Variants in CYRIB observed in about 807,000 individuals in gnomAD.
The protein encoded by CYRIB is CYFIP related Rac1 interactor B.
CYRIB carries 8 observed loss-of-function variants against 44.2 expected under a neutral mutation model. That is an observed-to-expected ratio of 0.18 (90% CI 0.11 to 0.33). CYRIB has a LOEUF of 0.33. Among genes scored for constraint, CYRIB ranks in the 10% least tolerant of loss-of-function variants. The pLI is 1.00. For synonymous variants in CYRIB, 131 were observed against 127.2 expected, an observed-to-expected ratio of 1.03 and a Z score of -0.20; for missense variants, 185 against 382.8, an observed-to-expected ratio of 0.48 and a Z score of 4.31.
At chr8:129,869,381 C>CAAAAAAAAAAAAAAAAAAA (rs572134261) in intron 4 of CYRIB, among the ~76,000 whole-genome samples, 2 of 74,090 alleles carry the variant, frequency 2.7e-5, no homozygotes, top group Non-Finnish European at 5.5e-5. Flanking sequence ...AACTCTGCCT[C>CAAAAAAAAAAAAAAAAAAA]AAAAAAAAAA....
chr8:129,870,691 G>A (rs773595633), intron 4 of CYRIB, among the ~76,000 whole-genome samples: 5 of 152,122 alleles, frequency 3.3e-5, no homozygotes, highest in African/African-American at 4.8e-5. Context: ...AACACAGCAC[G>A]GGCAATGGCT....
intron 2 of CYRIB, among the ~76,000 whole-genome samples, chr8:129,961,942 A>G (rs1445612749): frequency 1.3e-5 from 2 of 152,264 alleles, no homozygotes; most frequent in East Asian, 3.9e-4. Context: ...ACAATTATCA[A>G]GATTAAATAA....
At chr8:129,887,907 G>A (rs1288008565) in intron 2 of CYRIB, among the ~76,000 whole-genome samples, 1 of 152,198 alleles carries the variant, frequency 6.6e-6, no homozygotes, top group East Asian at 1.9e-4. Context: ...AAGACTCATA[G>A]GTGGAAGGGA....
intron 2 of CYRIB, chr8:129,948,999 C>T (rs2094347466): frequency 6.6e-6 from 1 of 152,188 alleles, no homozygotes; most frequent in Admixed American, 6.6e-5. Context: ...TGCTTTGGCT[C>T]AAAAGGTCAA....
chr8:129,857,168 TG>T (rs1325645487), intron 5 of CYRIB, among the ~76,000 whole-genome samples: 1 of 151,960 alleles, frequency 6.6e-6, no homozygotes, highest in Non-Finnish European at 1.5e-5. Context: ...ACTGGGAAAA[TG>T]GATGTAGACA....
At chr8:129,856,361 T>C (rs1008694996) in intron 5 of CYRIB, among the ~76,000 whole-genome samples, 8 of 152,204 alleles carry the variant, frequency 5.3e-5, no homozygotes, top group Non-Finnish European at 7.4e-5. Context: ...TTGAAATAAG[T>C]GCTACTTTTG....
intron 1 of CYRIB, among the ~76,000 whole-genome samples, chr8:129,923,239 T>TATCTCAAAAAAAAAGAAAAAG (rs140530379): frequency 5.3e-5 from 8 of 150,530 alleles, no homozygotes; most frequent in Non-Finnish European, 1.2e-4. Context: ...GCAAAACTCT[T>TATCTCAAAAAAAAAGAAAAAG]AAAAAGAAAA....
Position 129,938,735 on chromosome 8 carries a change from G to A in CYRIB, c.-50+873C>T, listed in dbSNP as rs2093252436. On this transcript the variant is annotated intron_variant, in intron 1 of 11. Transcript: ENST00000519824. The stretch of plus-strand genomic sequence containing the variant: ...GGGGCCAAGTGAGGAGGAATCCAGA[G>A]GAGTAGAAAGAATACTAATTTTCTG... Among the ~76,000 whole-genome samples, 3 of 152,262 alleles carry A rather than the reference G, an allele frequency of 2.0e-5. No individual in the cohort carries two copies. The South Asian group carries it at 6.2e-4, about 32-fold the overall frequency.
chr8:129,865,783 GAAT>G (rs893975884), intron 4 of CYRIB, among the ~76,000 whole-genome samples: 4 of 152,160 alleles, frequency 2.6e-5, no homozygotes, highest in Admixed American at 6.5e-5. Context: ...ATATAAATAT[GAAT>G]TATTAACCTT....
intron 2 of CYRIB, chr8:129,890,644 G>A (rs1296516620): frequency 6.6e-6 from 1 of 151,712 alleles, no homozygotes; most frequent in Non-Finnish European, 1.5e-5. Context: ...TGTAATCCCA[G>A]CACTTTGGGA....
exon 12 of CYRIB, chr8:129,840,779 T>A (rs1173193649): frequency 6.6e-6 from 1 of 151,996 alleles, no homozygotes; most frequent in Non-Finnish European, 1.5e-5. Context: ...GGGTGTGAAG[T>A]GGGGGAGCAG....
intron 2 of CYRIB, 47 bp from the exon 5 acceptor site, chr8:129,879,518 A>C: frequency 7.4e-7 from 1 of 1,346,226 alleles, no homozygotes; most frequent in East Asian, 2.3e-5. Flanking sequence ...TTTATAAAAA[A>C]GAACATCTGA....
exon 12 of CYRIB, chr8:129,839,758 G>A (rs998025855): frequency 6.6e-6 from 1 of 152,154 alleles, no homozygotes; most frequent in African/African-American, 2.4e-5. Flanking sequence ...CCCACAGACC[G>A]GTTTGCTAGC....
At chr8:129,982,423 A>T (rs1476362825) in intron 1 of CYRIB, among the ~76,000 whole-genome samples, 2 of 151,606 alleles carry the variant, frequency 1.3e-5, no homozygotes, top group Non-Finnish European at 2.9e-5. Context: ...CCGAAACATA[A>T]ATAGCCCCAT....
chr8:130,004,787 G>C (rs1168594352), intron 1 of CYRIB, among the ~76,000 whole-genome samples: 1 of 126,248 alleles, frequency 7.9e-6, no homozygotes, highest in Non-Finnish European at 1.6e-5. Flanking sequence ...TTTTTTTTGA[G>C]ATGGAGTCTC....
intron 1 of CYRIB, among the ~76,000 whole-genome samples, chr8:129,909,706 T>A (rs967588518): frequency 3.9e-5 from 6 of 152,180 alleles, no homozygotes; most frequent in African/African-American, 1.4e-4. Context: ...CAGTCTAATA[T>A]AAAAACGTTT....
intron 2 of CYRIB, chr8:129,948,926 T>C (rs1229885434): frequency 6.6e-6 from 1 of 152,014 alleles, no homozygotes; most frequent in African/African-American, 2.4e-5. Flanking sequence ...CAAAGGAAAA[T>C]TAGCCGAGTA....
intron 6 of CYRIB, among the ~76,000 whole-genome samples, chr8:129,854,555 CCCTTTT>C (rs1246273105): frequency 6.6e-6 from 1 of 152,142 alleles, no homozygotes; most frequent in Non-Finnish European, 1.5e-5. Context: ...AGTATACTTT[CCCTTTT>C]CTTTTCAGTT....
At chr8:129,895,022 C>T (rs2067250688) in intron 2 of CYRIB, among the ~76,000 whole-genome samples, 2 of 149,442 alleles carry the variant, frequency 1.3e-5, no homozygotes, top group Admixed American at 6.7e-5. Context: ...ACTGCGACCT[C>T]AACCACCCTG....
Sources: gnomAD v4.1 joint callset for allele counts (sites outside exome capture counted in the v4.1 genomes callset) on GRCh38, gnomAD v4.1.1 for gene constraint, MANE v1.5 for transcripts, NCBI Gene and HGNC (gene_info 2026-07-23, HGNC 2026-07-21) for gene names.